Variants in ENOX1 observed in about 807,000 individuals in gnomAD.
The protein encoded by ENOX1 is candidate growth-related and time keeping constitutive hydroquinone (NADH) oxidase.
A neutral mutation model predicts 82.5 loss-of-function variants in ENOX1; 42 were observed. That is an observed-to-expected ratio of 0.51 (90% CI 0.40 to 0.66). The LOEUF (loss-of-function observed/expected upper bound fraction) is 0.66. Among genes scored for constraint, ENOX1 ranks in the 30% least tolerant of loss-of-function variants. The probability of loss-of-function intolerance (pLI) is 0.00; values close to 1 mark genes in which losing one functional copy is unlikely to be tolerated. For synonymous variants in ENOX1, 271 were observed against 282.2 expected (o/e 0.96, Z 0.40); for missense variants, 608 against 811.6 (o/e 0.75, Z 3.05).
intron 11 of ENOX1, among the ~76,000 whole-genome samples, chr13:43,316,360 A>G (rs986803350): frequency 2.0e-5 from 3 of 152,206 alleles, no homozygotes; most frequent in Non-Finnish European, 4.4e-5. Flanking sequence ...TGTCAGCAAC[A>G]CAGATTAATC....
At chr13:43,578,205 T>G (rs1004061763) in intron 2 of ENOX1, among the ~76,000 whole-genome samples, 17 of 152,134 alleles carry the variant, frequency 1.1e-4, no homozygotes, top group Non-Finnish European at 2.2e-4. Context: ...CAAGAGGTCA[T>G]CAAAATCACA....
intron 2 of ENOX1, among the ~76,000 whole-genome samples, chr13:43,552,703 T>A (rs59740385): frequency 0.032 from 4,946 of 152,224 alleles, 236 homozygotes; most frequent in African/African-American, 0.11. Flanking sequence ...GGTCATTAAC[T>A]GAGGTCCAGG....
intron 2 of ENOX1, among the ~76,000 whole-genome samples, chr13:43,630,981 C>T (rs904112143): frequency 2.0e-5 from 3 of 151,682 alleles, no homozygotes; most frequent in African/African-American, 7.3e-5. Context: ...TGGGCTCATA[C>T]CGTAAATACC....
At chr13:43,764,253 C>T (rs188280863) in intron 1 of ENOX1, among the ~76,000 whole-genome samples, 1 of 152,278 alleles carries the variant, frequency 6.6e-6, no homozygotes, top group Admixed American at 6.5e-5. Flanking sequence ...GAAACATCTA[C>T]AAAAACATAT....
At chr13:43,663,740 G>GT (rs1306127384) in intron 2 of ENOX1, among the ~76,000 whole-genome samples, 1 of 152,090 alleles carries the variant, frequency 6.6e-6, no homozygotes, top group East Asian at 1.9e-4. Flanking sequence ...CAAGAAAAAG[G>GT]TAAGAAATGC....
At chr13:43,713,407 C>A (rs149988285) in intron 1 of ENOX1, among the ~76,000 whole-genome samples, 3 of 151,980 alleles carry the variant, frequency 2.0e-5, no homozygotes, top group African/African-American at 7.3e-5. Flanking sequence ...GGCTTTGGTA[C>A]CAAGATGATG....
At chr13:43,733,324 T>C (rs567810164) in intron 1 of ENOX1, among the ~76,000 whole-genome samples, 71 of 152,238 alleles carry the variant, frequency 4.7e-4, no homozygotes, top group African/African-American at 1.7e-3. Context: ...GAAGACCAGA[T>C]AGCAATTCCC....
intron 5 of ENOX1, among the ~76,000 whole-genome samples, chr13:43,395,544 G>C (rs137894443): frequency 1.3e-5 from 2 of 152,076 alleles, no homozygotes; most frequent in Non-Finnish European, 2.9e-5. Flanking sequence ...CAAAACCAGC[G>C]TGAGATATTA....
At chr13:43,747,130 C>G (rs957892027) in intron 1 of ENOX1, among the ~76,000 whole-genome samples, 1 of 152,158 alleles carries the variant, frequency 6.6e-6, no homozygotes, top group South Asian at 2.1e-4. Context: ...AGTCACATCA[C>G]AACCCGTACC....
At chr13:43,623,452 G>T (rs568956887) in intron 2 of ENOX1, among the ~76,000 whole-genome samples, 34 of 151,966 alleles carry the variant, frequency 2.2e-4, no homozygotes, top group East Asian at 9.7e-4. Flanking sequence ...CCTGTATTTT[G>T]CTCAGCTCTC....
intron 1 of ENOX1, among the ~76,000 whole-genome samples, chr13:43,669,238 G>A (rs1322027640): frequency 2.6e-5 from 4 of 152,318 alleles, no homozygotes; most frequent in African/African-American, 9.6e-5. Flanking sequence ...TTCAGCAAGG[G>A]ACACTGGCTA....
chr13:43,335,005 G>C lies in ENOX1; in HGVS notation c.1037-8480C>G, dbSNP rs900545208. Among the ~76,000 whole-genome samples, 187 of 152,330 alleles carry C rather than the reference G, an allele frequency of 1.2e-3. 1 individual carries two copies. Among genetic ancestry groups the C allele is most frequent in the Non-Finnish European group, 8.8e-5 (6 of 68,034 alleles). ...CCATCGCTAACTAGCTGTGTGACCTGAAGAAAGTGTCCATCTGTTTGAATC... is the reference window on the plus strand; with the variant it reads ...CCATCGCTAACTAGCTGTGTGACCTCAAGAAAGTGTCCATCTGTTTGAATC... On this transcript the variant is annotated intron_variant, in intron 9 of 16. Coordinates refer to ENST00000690772, the MANE Select transcript of ENOX1 (RefSeq NM_001347969.2).
At chr13:43,485,440 G>A (rs2076379916) in intron 2 of ENOX1, among the ~76,000 whole-genome samples, 1 of 152,196 alleles carries the variant, frequency 6.6e-6, no homozygotes, top group Non-Finnish European at 1.5e-5. Flanking sequence ...GAAAATGATG[G>A]AGCCAGGAAG....
intron 2 of ENOX1, among the ~76,000 whole-genome samples, chr13:43,595,271 T>C (rs1296636979): frequency 6.6e-6 from 1 of 151,944 alleles, no homozygotes; most frequent in African/African-American, 2.4e-5. Context: ...GAACGAATTA[T>C]TTACATTTTC....
At chr13:43,513,979 T>A (rs974951011) in intron 2 of ENOX1, among the ~76,000 whole-genome samples, 1 of 152,180 alleles carries the variant, frequency 6.6e-6, no homozygotes, top group South Asian at 2.1e-4. Flanking sequence ...AATGTTTGTT[T>A]ATGTTCAGGT....
intron 1 of ENOX1, among the ~76,000 whole-genome samples, chr13:43,769,513 C>A (rs1308367083): frequency 2.0e-5 from 3 of 152,154 alleles, no homozygotes; most frequent in Admixed American, 2.0e-4. Context: ...TAGCTCCAAG[C>A]ACTTTCAATT....
chr13:43,344,415 C>T, intron 9 of ENOX1, 123 bp downstream of exon 9: 1 of 775,376 alleles, frequency 1.3e-6, no homozygotes, highest in South Asian at 1.9e-5. Context: ...TGAAGTTTGC[C>T]ATTCAATATG....
intron 1 of ENOX1, among the ~76,000 whole-genome samples, chr13:43,705,330 C>CTATATATA (rs60687265): frequency 2.7e-4 from 35 of 129,844 alleles, no homozygotes; most frequent in East Asian, 4.4e-4. Flanking sequence ...CTCTCTCTCT[C>CTATATATA]TATATATATA....
At chr13:43,528,678 C>T (rs529074267) in intron 2 of ENOX1, among the ~76,000 whole-genome samples, 5 of 152,146 alleles carry the variant, frequency 3.3e-5, no homozygotes, top group Admixed American at 6.5e-5. Context: ...TTTTGTACCT[C>T]TAAAAGTATT....
Sources: allele counts gnomAD v4.1 joint callset (sites outside exome capture counted in the v4.1 genomes callset), GRCh38; gene constraint gnomAD v4.1.1; transcripts MANE v1.5; gene names NCBI Gene and HGNC (gene_info 2026-07-23, HGNC 2026-07-21).